SLC45A2: variants seen among roughly 807,000 people sequenced by gnomAD.
The protein encoded by SLC45A2 is membrane-associated transporter protein.
Under a neutral mutation model 45.5 loss-of-function variants are expected in SLC45A2, and 36 were observed. That is an observed-to-expected ratio of 0.79 (90% CI 0.61 to 1.04). SLC45A2 has a LOEUF of 1.04. Ranked by LOEUF, SLC45A2 falls within the 50% of genes least tolerant of loss-of-function variation. SLC45A2 has a pLI of 0.00. For synonymous variants in SLC45A2, 306 were observed against 269.3 expected (o/e 1.14, Z -1.33); for missense variants, 719 against 671.0 (o/e 1.07, Z -0.79).
chr5:33,948,476 A>G (rs770415084), intron 5 of SLC45A2, among the ~76,000 whole-genome samples: 2 of 152,216 alleles, frequency 1.3e-5, no homozygotes, highest in African/African-American at 4.8e-5. Context: ...TAAGAATGAC[A>G]TTTTCCATAT....
At chr5:33,954,253 T>C in intron 4 of SLC45A2, 108 bp downstream of exon 4, 1 of 1,495,446 alleles carries the variant, frequency 6.7e-7, no homozygotes, top group South Asian at 1.2e-5. Flanking sequence ...TACCCTTTCC[T>C]ACATTCTTAC....
chr5:33,967,075 C>A (rs1459040568), intron 2 of SLC45A2, among the ~76,000 whole-genome samples: 5 of 152,216 alleles, frequency 3.3e-5, no homozygotes, highest in African/African-American at 1.2e-4. Flanking sequence ...GAGCTCCCTG[C>A]TGACTTCCTA....
intron 2 of SLC45A2, 125 bp from the exon 3 acceptor site, chr5:33,964,141 G>A: frequency 1.1e-6 from 1 of 935,672 alleles, no homozygotes; most frequent in East Asian, 2.6e-5. Context: ...GATATAATTG[G>A]AAAAGCAATA....
In SLC45A2 at chr5:33,984,518, A is replaced by G; in HGVS notation, c.66T>C (p.Phe22=). The G allele has an allele frequency of 6.2e-7, 1 of 1,613,068 alleles. No individual in the cohort carries two copies. Residue 22 remains phenylalanine, a synonymous_variant, in exon 1 of 7, where the codon TTT becomes TTC. Transcript: ENST00000296589. ...IYKSLADDGP[F]DSVEPPKRPT... is the part of the protein sequence containing the mutation. ...GTCTTTTAGGCGGCTCCACAGAGTC[A>G]AAGGGGCCATCATCAGCTAGGGATT...
chr5:33,955,120 T>C (rs1237684728), intron 3 of SLC45A2, among the ~76,000 whole-genome samples: 2 of 152,114 alleles, frequency 1.3e-5, no homozygotes, highest in African/African-American at 4.8e-5. Context: ...GAAGGGAAAG[T>C]CAGAGCAACT....
intron 5 of SLC45A2, among the ~76,000 whole-genome samples, chr5:33,947,719 G>A (rs1440301619): frequency 3.3e-5 from 5 of 152,172 alleles, no homozygotes; most frequent in Non-Finnish European, 7.4e-5. Flanking sequence ...GAAAAGTGTG[G>A]GTTATTCTAA....
chr5:33,969,282 A>T (rs796901476), intron 2 of SLC45A2, among the ~76,000 whole-genome samples: 2 of 152,002 alleles, frequency 1.3e-5, no homozygotes, highest in Non-Finnish European at 2.9e-5. Flanking sequence ...AAAGAAAAAA[A>T]AAATTTTAAA....
chr5:33,975,788 G>A (rs907611762), intron 2 of SLC45A2, among the ~76,000 whole-genome samples: 1 of 152,074 alleles, frequency 6.6e-6, no homozygotes, highest in Non-Finnish European at 1.5e-5. Flanking sequence ...ACCCAATTCT[G>A]CCTAATGAGA....
intron 2 of SLC45A2, among the ~76,000 whole-genome samples, chr5:33,966,716 C>T (rs952408088): frequency 6.6e-6 from 1 of 151,952 alleles, no homozygotes; most frequent in African/African-American, 2.4e-5. Flanking sequence ...AAGGTGATGT[C>T]GATTATTAGT....
At chr5:33,948,053 C>T (rs773789612) in intron 5 of SLC45A2, among the ~76,000 whole-genome samples, 1 of 152,182 alleles carries the variant, frequency 6.6e-6, no homozygotes, top group African/African-American at 2.4e-5. Context: ...ACCCCAGCTT[C>T]CTCATCTGAA....
intron 1 of SLC45A2, 88 bp from the exon 2 acceptor site, chr5:33,982,500 A>G (rs963079570): frequency 1.5e-6 from 2 of 1,307,110 alleles, no homozygotes; most frequent in Non-Finnish European, 2.2e-6. Flanking sequence ...TTGCCATAAA[A>G]TCATCTTCCT....
intron 2 of SLC45A2, among the ~76,000 whole-genome samples, chr5:33,974,996 G>A (rs1752883811): frequency 6.6e-6 from 1 of 152,224 alleles, no homozygotes; most frequent in African/African-American, 2.4e-5. Flanking sequence ...TTGTCACTGA[G>A]TTGGGGACTT....
intron 2 of SLC45A2, among the ~76,000 whole-genome samples, chr5:33,964,368 T>TGTG (rs1465446693): frequency 6.6e-6 from 1 of 152,242 alleles, no homozygotes; most frequent in Non-Finnish European, 1.5e-5. Flanking sequence ...TCAGAGATAC[T>TGTG]GTGACCTTTC....
At chr5:33,979,804 A>T (rs1753022997) in intron 2 of SLC45A2, among the ~76,000 whole-genome samples, 1 of 152,116 alleles carries the variant, frequency 6.6e-6, no homozygotes, top group Non-Finnish European at 1.5e-5. Context: ...AGTATTTCAG[A>T]TTTACTTTAG....
At chr5:33,975,902 G>A (rs1752916830) in intron 2 of SLC45A2, among the ~76,000 whole-genome samples, 1 of 151,924 alleles carries the variant, frequency 6.6e-6, no homozygotes, top group Non-Finnish European at 1.5e-5. Flanking sequence ...CCTTCTCCCT[G>A]ACCCTCCTCT....
rs974639786 is a variant in SLC45A2, at chr5:33,947,017, C to A, written c.1368+146G>T. On this transcript the variant is annotated intron_variant, in intron 6 of 6. Transcript: ENST00000296589. Reference sequence around the variant, plus strand: ...GCTGGTGAGCATGCCTGTACCAGATCATGGTTGCAGTTGGTTGGGCATTTG... The same window carrying A: ...GCTGGTGAGCATGCCTGTACCAGATAATGGTTGCAGTTGGTTGGGCATTTG... 5.6e-6 allele frequency: 9 copies of A among 1,593,804 alleles called. No homozygotes were observed. In the Admixed American group the frequency reaches 1.5e-4, roughly 27 times the overall value.
intron 2 of SLC45A2, among the ~76,000 whole-genome samples, chr5:33,981,171 G>A (rs977273289): frequency 2.0e-5 from 3 of 152,164 alleles, no homozygotes; most frequent in Non-Finnish European, 1.5e-5. Context: ...AGTGACAGAC[G>A]GGGCTGCACT....
At chr5:33,958,794 G>C (rs1032098971) in intron 3 of SLC45A2, among the ~76,000 whole-genome samples, 2 of 152,068 alleles carry the variant, frequency 1.3e-5, no homozygotes, top group South Asian at 4.1e-4. Flanking sequence ...TACTCGTGTG[G>C]GAGTTCCATG....
chr5:33,949,991 C>G (rs1034334300), intron 5 of SLC45A2, among the ~76,000 whole-genome samples: 4 of 151,760 alleles, frequency 2.6e-5, no homozygotes, highest in African/African-American at 9.7e-5. Flanking sequence ...AGATCGAGAC[C>G]AGCCTGGGCA....
Sources: gnomAD v4.1 joint callset for allele counts (sites outside exome capture counted in the v4.1 genomes callset) on GRCh38, gnomAD v4.1.1 for gene constraint, MANE v1.5 for transcripts, NCBI Gene and HGNC (gene_info 2026-07-23, HGNC 2026-07-21) for gene names.